Variants in HDX observed in about 807,000 individuals in gnomAD.
HDX encodes chromosome X open reading frame 43.
Under a neutral mutation model 45.2 loss-of-function variants are expected in HDX, and 19 were observed. The observed-to-expected ratio is 0.42, with a 90% CI of 0.29 to 0.62. The LOEUF is 0.62. Ranked by LOEUF, HDX falls within the 20% of genes least tolerant of loss-of-function variation. The pLI, the probability that HDX is intolerant of heterozygous loss-of-function variation, is 0.20. For missense variants in HDX, 532 were observed against 493.9 expected, an observed-to-expected ratio of 1.08 and a Z score of -0.73; for synonymous variants, 188 against 172.8, an observed-to-expected ratio of 1.09 and a Z score of -0.69.
At chrX:84,338,545 T>C (rs1270355096) in intron 7 of HDX, among the ~76,000 whole-genome samples, 1 of 110,932 alleles carries the variant, frequency 9.0e-6, no homozygotes, top group Non-Finnish European at 1.9e-5. Flanking sequence ...ATTAGATCTT[T>C]TGACTTGTTC....
At chrX:84,331,094 T>C (rs758090654) in intron 9 of HDX, among the ~76,000 whole-genome samples, 1 of 111,730 alleles carries the variant, frequency 9.0e-6, no homozygotes, top group Non-Finnish European at 1.9e-5. Flanking sequence ...CTTTGATCTC[T>C]GAGCAAGCTA....
At chrX:84,355,036 C>A (rs2037449195) in intron 6 of HDX, among the ~76,000 whole-genome samples, 1 of 101,034 alleles carries the variant, frequency 9.9e-6, no homozygotes, top group African/African-American at 3.6e-5. Flanking sequence ...CCCCAAGGTG[C>A]CCCCCCAGCT....
chrX:84,329,299 G>C, intron 9 of HDX, among the ~76,000 whole-genome samples: 1 of 111,681 alleles, frequency 9.0e-6, no homozygotes, highest in Non-Finnish European at 1.9e-5. Context: ...CAAGAGGGGG[G>C]GTTCATTCAG....
chrX:84,499,495 C>G (rs1304822913), intron 1 of HDX, among the ~76,000 whole-genome samples: 6 of 111,617 alleles, frequency 5.4e-5, no homozygotes, highest in Non-Finnish European at 7.5e-5. Context: ...ACTATGAAAG[C>G]TGGCTATAAG....
intron 5 of HDX, among the ~76,000 whole-genome samples, chrX:84,375,505 A>C (rs2038028579): frequency 8.9e-6 from 1 of 112,080 alleles, no homozygotes; most frequent in Non-Finnish European, 1.9e-5. Flanking sequence ...CAAATGTCCA[A>C]AACGATAGAC....
intron 1 of HDX, among the ~76,000 whole-genome samples, chrX:84,489,551 A>G (rs2040855920): frequency 9.0e-6 from 1 of 111,603 alleles, no homozygotes; most frequent in South Asian, 3.7e-4. Context: ...CCAGTGATAG[A>G]CAAAGGGAAA....
chrX:84,401,145 A>G (rs112220365), intron 5 of HDX, among the ~76,000 whole-genome samples: 1 of 112,355 alleles, frequency 8.9e-6, no homozygotes, highest in Admixed American at 9.4e-5. Flanking sequence ...AGGCATGGGA[A>G]ATGCCTTCAT....
In HDX at chrX:84,336,899, T is replaced by A; in HGVS notation, c.1661-19A>T. On this transcript the variant is annotated intron_variant, in intron 7 of 10. Transcript: ENST00000373177. ...GGCTCTTCTACAGAAAAAAATGCCA[T>A]AATTTCATTTTCATTTCGCAAAACT... is the stretch of plus-strand genomic sequence containing the variant. The A allele has an allele frequency of 9.4e-7, 1 of 1,066,818 alleles. No individual in the cohort carries two copies. Among genetic ancestry groups the A allele is most frequent in the Non-Finnish European group, 1.3e-6 (1 of 778,953 alleles). 87.9% of individuals were successfully genotyped at this position (1,066,818 alleles called of 1,213,427 possible). A position where few individuals can be genotyped will look rare whatever the true frequency, so the allele number is the denominator to read the frequency against.
chrX:84,495,129 G>A (rs1304569736), intron 1 of HDX, among the ~76,000 whole-genome samples: 4 of 109,381 alleles, frequency 3.7e-5, no homozygotes, highest in African/African-American at 1.3e-4. Context: ...CACATATGTG[G>A]AATCTAAAAA....
intron 5 of HDX, among the ~76,000 whole-genome samples, chrX:84,426,759 T>C (rs994786768): frequency 9.0e-6 from 1 of 110,691 alleles, no homozygotes; most frequent in African/African-American, 3.3e-5. Context: ...CAAACTGTGC[T>C]GTATATTTTC....
At chrX:84,491,858 G>C (rs1295737527) in intron 1 of HDX, among the ~76,000 whole-genome samples, 1 of 111,332 alleles carries the variant, frequency 9.0e-6, no homozygotes, top group Non-Finnish European at 1.9e-5. Context: ...AACTATTCCT[G>C]GTCCTCCGTG....
chrX:84,398,544 A>T (rs746275931), intron 5 of HDX, among the ~76,000 whole-genome samples: 1 of 112,165 alleles, frequency 8.9e-6, no homozygotes, highest in African/African-American at 3.2e-5. Flanking sequence ...TATGCACCCA[A>T]TACAGGAGCA....
At chrX:84,478,243 T>C (rs181578631) in intron 2 of HDX, among the ~76,000 whole-genome samples, 128 of 112,197 alleles carry the variant, frequency 1.1e-3, no homozygotes, top group African/African-American at 3.9e-3. Context: ...TAAGATTCAG[T>C]ATTTTAATGA....
chrX:84,489,842 TA>T (rs36042332), intron 1 of HDX, among the ~76,000 whole-genome samples: 2,979 of 112,005 alleles, frequency 0.027, 71 homozygotes, highest in African/African-American at 0.085. Context: ...TTCTGTGTCC[TA>T]AAAAACTTTT....
intron 5 of HDX, among the ~76,000 whole-genome samples, chrX:84,361,974 T>A (rs2037632556): frequency 8.9e-6 from 1 of 111,857 alleles, no homozygotes; most frequent in Non-Finnish European, 1.9e-5. Context: ...TGTATACTCT[T>A]TTAAACTTTT....
intron 9 of HDX, among the ~76,000 whole-genome samples, chrX:84,331,512 C>A (rs2036842110): frequency 9.0e-6 from 1 of 111,403 alleles, no homozygotes; most frequent in Non-Finnish European, 1.9e-5. Flanking sequence ...TACAGTTGAA[C>A]AATTATATGA....
Position 84,456,257 on chromosome X carries a change from AT to A in HDX, c.1251+12214del, listed in dbSNP as rs775138507. ...AGAAGACAAACCAATAAAAAATAAC[AT>A]TTTTTATTAGATTTTTCTTTGCTTG... is the stretch of plus-strand genomic sequence containing the variant. On this transcript the variant is annotated intron_variant, in intron 4 of 10. Coordinates refer to ENST00000373177, the MANE Select transcript of HDX (RefSeq NM_001177479.2). Among the ~76,000 whole-genome samples, 600 of 111,557 alleles carry A rather than the reference AT, an allele frequency of 5.4e-3. 2 individuals carry two copies. Among genetic ancestry groups the A allele is most frequent in the Non-Finnish European group, 8.0e-3 (426 of 52,935 alleles).
intron 5 of HDX, among the ~76,000 whole-genome samples, chrX:84,387,240 C>A (rs948674108): frequency 4.5e-5 from 5 of 111,921 alleles, no homozygotes; most frequent in African/African-American, 1.3e-4. Flanking sequence ...TTTATTAAGA[C>A]TTGCTTTATG....
chrX:84,359,774 T>C (rs1234610595), intron 6 of HDX, among the ~76,000 whole-genome samples: 2 of 111,700 alleles, frequency 1.8e-5, no homozygotes, highest in Admixed American at 9.6e-5. Context: ...CCACACTGTT[T>C]TTCACAATGG....
Sources: allele counts gnomAD v4.1 joint callset (sites outside exome capture counted in the v4.1 genomes callset), GRCh38; gene constraint gnomAD v4.1.1; transcripts MANE v1.5; gene names NCBI Gene and HGNC (gene_info 2026-07-23, HGNC 2026-07-21).